SPACA1: variants seen among roughly 807,000 people sequenced by gnomAD.
The protein encoded by SPACA1 is sperm acrosome associated 1.
SPACA1 carries 17 observed loss-of-function variants against 32.6 expected under a neutral mutation model. The ratio of observed to expected loss-of-function variants is 0.52; its 90% CI spans 0.36 to 0.78. The LOEUF is 0.78. SPACA1 is among the 30% of genes least tolerant of loss of function. The probability of loss-of-function intolerance (pLI) is 0.01; values close to 1 mark genes in which losing one functional copy is unlikely to be tolerated. For missense variants in SPACA1, 363 were observed against 373.4 expected (o/e 0.97, Z 0.23); for synonymous variants, 140 against 138.1 (o/e 1.01, Z -0.10).
chr6:88,064,645 G>A (rs755839790), intron 6 of SPACA1, among the ~76,000 whole-genome samples: 1 of 151,370 alleles, frequency 6.6e-6, no homozygotes, highest in Admixed American at 6.6e-5. Flanking sequence ...ATATACTATC[G>A]ATTTGTAGCT....
chr6:88,064,434 A>G, intron 6 of SPACA1: 1 of 309,510 alleles, frequency 3.2e-6, no homozygotes. Context: ...TTGCTTCTCC[A>G]ACTATGAGAG....
rs747529836 is a variant in SPACA1, at chr6:88,053,974, A to T, written c.237A>T (p.Val79=). The T allele has an allele frequency of 5.6e-6, 9 of 1,613,644 alleles. No homozygotes were observed. The highest frequency in any genetic ancestry group is 7.6e-6 in the Non-Finnish European group (9 of 1,179,702). The change falls in exon 2 of 7, where the codon GTA becomes GTT. Residue 79 remains valine, a synonymous_variant. Transcript: ENST00000237201. ...CAAATAGGAATGTCGTCAAAGAAGT[A>T]GAATTCGGAATGTGCACCGTTACAT... ...DVSNRNVVKE[V]EFGMCTVTCG... is the part of the protein sequence containing the mutation.
At chr6:88,061,513 G>A (rs1369848513) in intron 5 of SPACA1, among the ~76,000 whole-genome samples, 2 of 151,984 alleles carry the variant, frequency 1.3e-5, no homozygotes, top group South Asian at 4.2e-4. Context: ...CAGAGAAACA[G>A]ACATAGGGAG....
chr6:88,047,881 C>T lies in SPACA1; in HGVS notation c.-25C>T, dbSNP rs780828165. 35 of 1,513,890 alleles carry T rather than the reference C, an allele frequency of 2.3e-5. No homozygotes were observed. In the Admixed American group the frequency reaches 2.8e-4, roughly 12 times the overall value. 93.8% of individuals were successfully genotyped at this position (1,513,890 alleles called of 1,614,324 possible). ...AGGAGCCGCGGCGGCGACTGCGCCT[C>T]GGACGGCCGTCGGGGCCGAGAACCA... On this transcript the variant is annotated 5_prime_UTR_variant, in exon 1 of 7. Transcript: ENST00000237201.
intron 2 of SPACA1, among the ~76,000 whole-genome samples, chr6:88,054,345 T>C (rs893332541): frequency 3.3e-5 from 5 of 152,124 alleles, no homozygotes; most frequent in African/African-American, 1.2e-4. Context: ...ACATATTGTG[T>C]TGGCAAATTT....
intron 1 of SPACA1, among the ~76,000 whole-genome samples, chr6:88,053,538 G>A (rs556793328): frequency 2.9e-4 from 44 of 152,126 alleles, no homozygotes; most frequent in Non-Finnish European, 5.7e-4. Context: ...CTGGTTAAGG[G>A]CTTCTTTTTG....
At chr6:88,053,860 CAT>C (rs1304350841) in intron 1 of SPACA1, 84 bp from the exon 2 acceptor site, 150 of 1,105,458 alleles carry the variant, frequency 1.4e-4, no homozygotes, top group African/African-American at 2.2e-4. Flanking sequence ...ATATCATACA[CAT>C]GTCTTTCATC....
At chr6:88,060,050 ACT>A (rs1327754704) in intron 5 of SPACA1, among the ~76,000 whole-genome samples, 5 of 152,148 alleles carry the variant, frequency 3.3e-5, no homozygotes, top group African/African-American at 9.7e-5. Context: ...TCAAAGTATG[ACT>A]CTTTAAAAAT....
At chr6:88,065,452 A>C (rs945626227) in intron 6 of SPACA1, among the ~76,000 whole-genome samples, 13 of 148,042 alleles carry the variant, frequency 8.8e-5, no homozygotes, top group South Asian at 2.1e-4. Flanking sequence ...CATATATACT[A>C]TATGTACACA....
Position 88,047,942 on chromosome 6 carries a change from C to T in SPACA1, c.37C>T (p.Leu13=). The change falls in exon 1 of 7, where the codon CTG becomes TTG. Residue 13 remains leucine (L), a synonymous_variant. Coordinates refer to ENST00000237201, the MANE Select transcript of SPACA1 (RefSeq NM_030960.3). The stretch of plus-strand genomic sequence containing the variant: ...GGGCACGGGCTGCTCCGCCGGGCTG[C>T]TGATGACTGTCGGCTGGCTGCTTCT... The part of the protein sequence containing the change: ...PRGTGCSAGL[L]MTVGWLLLAG... The T allele has an allele frequency of 6.4e-7, 1 of 1,568,408 alleles. No individual in the cohort carries two copies. Among genetic ancestry groups the T allele is most frequent in the Non-Finnish European group, 8.6e-7 (1 of 1,157,552 alleles).
intron 5 of SPACA1, among the ~76,000 whole-genome samples, chr6:88,060,641 G>A (rs1325694287): frequency 2.0e-5 from 3 of 151,980 alleles, no homozygotes; most frequent in Non-Finnish European, 4.4e-5. Context: ...TCCTCTATTG[G>A]GATATCAGGT....
At chr6:88,058,925 C>A in intron 4 of SPACA1, 103 bp downstream of exon 4, 4 of 701,008 alleles carry the variant, frequency 5.7e-6, no homozygotes, top group South Asian at 2.4e-5. Context: ...AAGCAGTTTG[C>A]CAAAACGAAG....
intron 3 of SPACA1, 63 bp from the exon 4 acceptor site, chr6:88,058,653 T>G: frequency 1.7e-6 from 2 of 1,184,008 alleles, no homozygotes; most frequent in Non-Finnish European, 2.5e-6. Context: ...AAAAAAAAAG[T>G]AATTTCGTGT....
intron 2 of SPACA1, 60 bp from the exon 3 acceptor site, chr6:88,057,552 G>A: frequency 8.6e-7 from 1 of 1,159,976 alleles, no homozygotes; most frequent in Non-Finnish European, 1.3e-6. Context: ...GTGGGAAAGT[G>A]AAGACACTCT....
chr6:88,047,848 C>G lies in SPACA1; in HGVS notation c.-58C>G. ...GGTGTCGCAGCTCTCTTCGACGTACCTGTCCTCAGGAGCCGCGGCGGCGAC... is the reference window on the plus strand; with the variant it reads ...GGTGTCGCAGCTCTCTTCGACGTACGTGTCCTCAGGAGCCGCGGCGGCGAC... On this transcript the variant is annotated 5_prime_UTR_variant, in exon 1 of 7. Transcript: ENST00000237201. 1.4e-6 allele frequency: 2 copies of G among 1,452,930 alleles called. No individual in the cohort carries two copies. Among genetic ancestry groups the G allele is most frequent in the Non-Finnish European group, 1.8e-6 (2 of 1,093,876 alleles). 90.0% of individuals were successfully genotyped at this position (1,452,930 alleles called of 1,614,324 possible).
Position 88,066,578 on chromosome 6 carries a change from G to A in SPACA1, c.*243G>A. On this transcript the variant is annotated 3_prime_UTR_variant, in exon 7 of 7. Coordinates refer to ENST00000237201, the MANE Select transcript of SPACA1 (RefSeq NM_030960.3). The stretch of plus-strand genomic sequence containing the variant: ...ATAGCTTGGGGATATTTATCTAAAG[G>A]TACCCCCAACAAATCTTCTAAGTGC... The A allele has an allele frequency of 7.9e-6, 2 of 254,314 alleles. No individual in the cohort carries two copies. 15.8% of individuals were successfully genotyped at this position (254,314 alleles called of 1,614,324 possible).
Position 88,047,870 on chromosome 6 carries a change from C to T in SPACA1, c.-36C>T, listed in dbSNP as rs1169793971. 6.7e-7 allele frequency: 1 copy of T among 1,495,162 alleles called. No homozygotes were observed. The highest frequency in any genetic ancestry group is 1.4e-5 in the African/African-American group (1 of 71,600). 92.6% of individuals were successfully genotyped at this position (1,495,162 alleles called of 1,614,324 possible). A position where few individuals can be genotyped will look rare whatever the true frequency, so the allele number is the denominator to read the frequency against. ...TACCTGTCCTCAGGAGCCGCGGCGGCGACTGCGCCTCGGACGGCCGTCGGG... is the reference window on the plus strand; with the variant it reads ...TACCTGTCCTCAGGAGCCGCGGCGGTGACTGCGCCTCGGACGGCCGTCGGG... On this transcript the variant is annotated 5_prime_UTR_variant, in exon 1 of 7. Transcript: ENST00000237201.
chr6:88,064,028 A>G, intron 5 of SPACA1, 71 bp from the exon 6 acceptor site: 2 of 1,516,664 alleles, frequency 1.3e-6, no homozygotes, highest in Non-Finnish European at 1.8e-6. Flanking sequence ...TTCAAATATA[A>G]ACTTTTAAGT....
chr6:88,056,397 A>G (rs1775807893), intron 2 of SPACA1, among the ~76,000 whole-genome samples: 1 of 152,182 alleles, frequency 6.6e-6, no homozygotes, highest in African/African-American at 2.4e-5. Context: ...TACTTCAGCC[A>G]TTCTCAGCCA....
Sources: gnomAD v4.1 joint callset for allele counts (sites outside exome capture counted in the v4.1 genomes callset) on GRCh38, gnomAD v4.1.1 for gene constraint, MANE v1.5 for transcripts, NCBI Gene and HGNC (gene_info 2026-07-23, HGNC 2026-07-21) for gene names.